Variants in TCF4 observed in about 807,000 individuals in gnomAD.
The protein encoded by TCF4 is transcription factor 4.
In TCF4, 3 loss-of-function variants were observed where a neutral mutation model predicts 82.1. The ratio of observed to expected loss-of-function variants is 0.04; its 90% CI spans 0.02 to 0.09. TCF4 has a LOEUF of 0.09. Among genes scored for constraint, TCF4 ranks in the 10% least tolerant of loss-of-function variants. The pLI is 1.00. For synonymous variants in TCF4, 276 were observed against 309.6 expected (o/e 0.89, Z 1.14); for missense variants, 518 against 852.7 (o/e 0.61, Z 4.89).
chr18:55,316,484 C>T (rs897897176), intron 8 of TCF4, among the ~76,000 whole-genome samples: 1 of 152,034 alleles, frequency 6.6e-6, no homozygotes, highest in Non-Finnish European at 1.5e-5. Context: ...GAAACACACA[C>T]ATACAAAATT....
At chr18:55,530,320 G>C (rs866353038) in intron 3 of TCF4, among the ~76,000 whole-genome samples, 4 of 152,164 alleles carry the variant, frequency 2.6e-5, no homozygotes, top group Non-Finnish European at 5.9e-5. Context: ...AGAAAGAGTA[G>C]GGGGTTGGGA....
At chr18:55,429,654 G>A (rs913398739) in intron 5 of TCF4, among the ~76,000 whole-genome samples, 10 of 151,024 alleles carry the variant, frequency 6.6e-5, no homozygotes, top group Admixed American at 6.6e-5. Flanking sequence ...CCAGCTACTC[G>A]GGAGGCTGAG....
chr18:55,599,466 A>G (rs1568484021), intron 2 of TCF4, among the ~76,000 whole-genome samples: 1 of 152,208 alleles, frequency 6.6e-6, no homozygotes, highest in Non-Finnish European at 1.5e-5. Context: ...CATGCCTGTA[A>G]TCCCAGCACT....
intron 6 of TCF4, among the ~76,000 whole-genome samples, chr18:55,389,018 C>T (rs546880877): frequency 3.3e-5 from 5 of 151,890 alleles, no homozygotes; most frequent in East Asian, 3.9e-4. Flanking sequence ...CCCAGCTACT[C>T]GGGAGACTGA....
At chr18:55,298,321 ATTTTCCCAT>A (rs1173623075) in intron 8 of TCF4, among the ~76,000 whole-genome samples, 1 of 152,114 alleles carries the variant, frequency 6.6e-6, no homozygotes, top group Non-Finnish European at 1.5e-5. Context: ...ACTCTTTTCC[ATTTTCCCAT>A]TTCAAAACCA....
At chr18:55,566,593 TA>T (rs574909888) in intron 3 of TCF4, among the ~76,000 whole-genome samples, 33 of 151,636 alleles carry the variant, frequency 2.2e-4, no homozygotes, top group Admixed American at 2.0e-3. Flanking sequence ...AGCAATGAAA[TA>T]AAAAAAATTA....
chr18:55,597,264 C>T (rs2097691948), intron 2 of TCF4, among the ~76,000 whole-genome samples: 1 of 152,068 alleles, frequency 6.6e-6, no homozygotes, highest in Non-Finnish European at 1.5e-5. Context: ...CATTGCTTTG[C>T]TAGCAAGGGT....
chr18:55,479,647 A>G (rs577700090), intron 3 of TCF4, among the ~76,000 whole-genome samples: 88 of 152,242 alleles, frequency 5.8e-4, no homozygotes, highest in African/African-American at 2.1e-3. Flanking sequence ...CCTGATGCCA[A>G]TATCTAGTGA....
intron 3 of TCF4, among the ~76,000 whole-genome samples, chr18:55,529,635 G>A (rs2097034974): frequency 6.6e-6 from 1 of 152,082 alleles, no homozygotes; most frequent in Admixed American, 6.5e-5. Flanking sequence ...TTTACTTCCT[G>A]CTGAGCTAAA....
At chr18:55,342,707 T>G (rs1013948662) in intron 8 of TCF4, among the ~76,000 whole-genome samples, 6 of 152,142 alleles carry the variant, frequency 3.9e-5, no homozygotes, top group African/African-American at 1.2e-4. Context: ...AGCTCCAGTT[T>G]TTATACTCCA....
intron 8 of TCF4, among the ~76,000 whole-genome samples, chr18:55,307,896 T>TA (rs2070908710): frequency 6.6e-6 from 1 of 152,214 alleles, no homozygotes; most frequent in South Asian, 2.1e-4. Flanking sequence ...TCTCACCTGT[T>TA]AAAGTAGCAC....
chr18:55,516,635 G>A (rs1329226423), intron 3 of TCF4, among the ~76,000 whole-genome samples: 1 of 152,158 alleles, frequency 6.6e-6, no homozygotes, highest in African/African-American at 2.4e-5. Context: ...GGTCAGGGAA[G>A]GCTTTCTGAT....
intron 5 of TCF4, among the ~76,000 whole-genome samples, chr18:55,409,504 G>A (rs1443048043): frequency 6.6e-6 from 1 of 152,010 alleles, no homozygotes; most frequent in East Asian, 1.9e-4. Flanking sequence ...ACTGTACTTG[G>A]CTTTCAATTT....
intron 3 of TCF4, among the ~76,000 whole-genome samples, chr18:55,470,329 A>G (rs2096146368): frequency 6.6e-6 from 1 of 152,202 alleles, no homozygotes; most frequent in Non-Finnish European, 1.5e-5. Context: ...TAAACAGGTC[A>G]GTGATTTTTA....
intron 13 of TCF4, among the ~76,000 whole-genome samples, chr18:55,257,963 A>G (rs2057245092): frequency 6.6e-6 from 1 of 152,214 alleles, no homozygotes; most frequent in Admixed American, 6.6e-5. Context: ...GATTCATTAA[A>G]CTTGAAGGTA....
At position 55,228,878 on chromosome 18, in the gene TCF4, G is replaced by A. The variant is rs759645955; in HGVS notation, c.1848C>T (p.Ala616=). 1.1e-5 allele frequency: 18 copies of A among 1,614,128 alleles called. No individual in the cohort carries two copies. The highest frequency in any genetic ancestry group is 3.3e-4 in the Middle Eastern group (2 of 6,060). Residue 616 remains alanine, a synonymous_variant, in exon 18 of 20, where the codon GCC becomes GCT. Transcript: ENST00000354452. The stretch of plus-strand genomic sequence containing the variant: ...CTTGCTGCTCCAGACTGAGGATGAC[G>A]GCCACCGCCTGGTGGAGGATCAGGA... The part of the protein sequence containing the change: ...TKLLILHQAV[A]VILSLEQQVR...
chr18:55,416,377 G>A (rs1427538991), intron 5 of TCF4, among the ~76,000 whole-genome samples: 1 of 152,148 alleles, frequency 6.6e-6, no homozygotes, highest in Non-Finnish European at 1.5e-5. Context: ...ATGAATGGAA[G>A]GTCTGCCCCT....
intron 5 of TCF4, among the ~76,000 whole-genome samples, chr18:55,448,119 A>G (rs190915175): frequency 1.6e-4 from 24 of 152,274 alleles, no homozygotes; most frequent in Admixed American, 9.8e-4. Flanking sequence ...ACAAAATACT[A>G]TTGTCTAGGA....
upstream of TCF4, among the ~76,000 whole-genome samples, chr18:55,592,701 G>A (rs1442839421): frequency 6.6e-6 from 1 of 152,138 alleles, no homozygotes; most frequent in East Asian, 1.9e-4. Context: ...GGAAGAGATT[G>A]ACCGTAGCCT....
Sources: gnomAD v4.1 joint callset for allele counts (sites outside exome capture counted in the v4.1 genomes callset) on GRCh38, gnomAD v4.1.1 for gene constraint, MANE v1.5 for transcripts, NCBI Gene and HGNC (gene_info 2026-07-23, HGNC 2026-07-21) for gene names.